DLEC1: variants seen among roughly 807,000 people sequenced by gnomAD.
DLEC1 encodes deleted in lung and esophageal cancer protein 1.
A neutral mutation model predicts 198.1 loss-of-function variants in DLEC1; 146 were observed. The ratio of observed to expected loss-of-function variants is 0.74; its 90% confidence interval spans 0.64 to 0.85. DLEC1 has a LOEUF of 0.85. Ranked by LOEUF, DLEC1 falls within the 40% of genes least tolerant of loss-of-function variation. The probability of loss-of-function intolerance (pLI) is 0.00; values close to 1 mark genes in which losing one functional copy is unlikely to be tolerated. For synonymous variants in DLEC1, 897 were observed against 866.8 expected, an observed-to-expected ratio of 1.03 and a Z score of -0.61; for missense variants, 2,233 against 2,220.0, an observed-to-expected ratio of 1.01 and a Z score of -0.12.
chr3:38,116,473 AC>A lies in DLEC1; in HGVS notation c.3879del (p.Tyr1294MetfsTer137). 1 of 1,613,762 alleles carries A rather than the reference AC, an allele frequency of 6.2e-7. No individual in the cohort carries two copies. The highest frequency in any genetic ancestry group is 1.1e-5 in the South Asian group (1 of 91,062). Reference sequence around the variant, plus strand: ...CCCAGACATCCGCCTGGATTGGGAGACCTATGTTCCAGAAGACAAGGAAGAC... The same window carrying A: ...CCCAGACATCCGCCTGGATTGGGAGACTATGTTCCAGAAGACAAGGAAGAC... ...SPCDIRLDWE[T>X]YVPEDKEDRL... On this transcript the variant is annotated frameshift_variant, in exon 28 of 37. Transcript: ENST00000308059. LOFTEE classifies it high-confidence loss of function.
At chr3:38,088,924 A>G in intron 10 of DLEC1, among the ~76,000 whole-genome samples, 1 of 151,788 alleles carries the variant, frequency 6.6e-6, no homozygotes, top group Non-Finnish European at 1.5e-5. Flanking sequence ...TGCCCCCTTC[A>G]GCTGATCACA....
chr3:38,066,727 T>C (rs1697048769), intron 6 of DLEC1, among the ~76,000 whole-genome samples: 1 of 152,220 alleles, frequency 6.6e-6, no homozygotes, highest in African/African-American at 2.4e-5. Context: ...CATTTTATAG[T>C]TTAAAGAGCA....
At chr3:38,046,457 C>T (rs912241903) in intron 2 of DLEC1, among the ~76,000 whole-genome samples, 3 of 152,224 alleles carry the variant, frequency 2.0e-5, no homozygotes, top group African/African-American at 7.2e-5. Flanking sequence ...CCTGCACACA[C>T]TCTCTTGCCT....
intron 2 of DLEC1, among the ~76,000 whole-genome samples, chr3:38,050,425 C>T (rs1200317879): frequency 6.6e-6 from 1 of 152,140 alleles, no homozygotes; most frequent in Non-Finnish European, 1.5e-5. Context: ...ATTGATTTGG[C>T]TCATGATTCT....
At position 38,121,796 on chromosome 3, in the gene DLEC1, G is replaced by A. The variant is rs759356122; in HGVS notation, c.5020+15G>A. On this transcript the variant is annotated intron_variant, in intron 35 of 36. Coordinates refer to ENST00000308059, the MANE Select transcript of DLEC1 (RefSeq NM_007335.4). ...TATGCTGATGGGTATGTCCTACCCT[G>A]CCACCTACCCACCGTTCCCCTACAG... 9 of 1,612,608 alleles carry A rather than the reference G, an allele frequency of 5.6e-6. No homozygotes were observed. Among genetic ancestry groups the A allele is most frequent in the Non-Finnish European group, 7.6e-6 (9 of 1,179,044 alleles).
chr3:38,105,589 C>T (rs766018099), intron 19 of DLEC1, among the ~76,000 whole-genome samples: 6 of 152,042 alleles, frequency 3.9e-5, no homozygotes, highest in African/African-American at 7.2e-5. Context: ...TCTCCTGGAG[C>T]TCTCTTTTGG....
intron 34 of DLEC1, 32 bp from the exon 35 acceptor site, chr3:38,121,596 C>T (rs906139781): frequency 6.2e-7 from 1 of 1,603,712 alleles, no homozygotes; most frequent in Non-Finnish European, 8.5e-7. Flanking sequence ...AGAGCCCACC[C>T]AGAATGGACA....
At chr3:38,107,811 TC>T in intron 20 of DLEC1, 74 bp downstream of exon 20, 3 of 1,498,222 alleles carry the variant, frequency 2.0e-6, no homozygotes, top group Non-Finnish European at 2.7e-6. Context: ...GGGGGCATTG[TC>T]CCCCAAATAT....
In DLEC1 at chr3:38,116,862, CCTGTA is replaced by C; in HGVS notation, c.4158_4162del (p.Cys1387GlnfsTer27). ...CACATGAGGGGGTGCCCTCCGGCCA[CCTGTA>C]CTGTATCAGCCCCAAGCAGGTGGTG... is the stretch of plus-strand genomic sequence containing the variant. On this transcript the variant is annotated frameshift_variant, in exon 29 of 37. Transcript: ENST00000308059. LOFTEE classifies it high-confidence loss of function. The C allele has an allele frequency of 6.2e-7, 1 of 1,613,708 alleles. No individual in the cohort carries two copies. Among genetic ancestry groups the C allele is most frequent in the Non-Finnish European group, 8.5e-7 (1 of 1,179,850 alleles).
chr3:38,098,324 G>A lies in DLEC1; in HGVS notation c.2724+422G>A, dbSNP rs1032688057. On this transcript the variant is annotated intron_variant, in intron 18 of 36. Coordinates refer to ENST00000308059, the MANE Select transcript of DLEC1 (RefSeq NM_007335.4). ...GCTACCAGATGGCATCTGGTCACAG[G>A]CTGGCAGCCCAAACCCAAGGCTCCA... Among the ~76,000 whole-genome samples the A allele has an allele frequency of 2.0e-5, 3 of 152,262 alleles. No homozygotes were observed. The South Asian group carries it at 6.2e-4, about 32-fold the overall frequency.
Position 38,110,087 on chromosome 3 carries a change from C to T in DLEC1, c.3261-12C>T. The T allele has an allele frequency of 6.2e-7, 1 of 1,613,340 alleles. No homozygotes were observed. Among genetic ancestry groups the T allele is most frequent in the Non-Finnish European group, 8.5e-7 (1 of 1,179,974 alleles). ...TTACATAGTACCAATGGGCACAGGA[C>T]AGTGTTTTCAGCACAGAGCAGTGGC... On this transcript the variant is annotated splice_polypyrimidine_tract_variant and intron_variant, in intron 22 of 36. Transcript: ENST00000308059.
At chr3:38,086,471 A>T (rs1698462829) in intron 9 of DLEC1, 94 bp downstream of exon 9, 1 of 1,474,798 alleles carries the variant, frequency 6.8e-7, no homozygotes, top group South Asian at 1.4e-5. Context: ...TATGATTGGA[A>T]ACACACAGAA....
intron 14 of DLEC1, 128 bp from the exon 15 acceptor site, chr3:38,096,441 G>C (rs1379404758): frequency 9.1e-7 from 1 of 1,103,236 alleles, no homozygotes; most frequent in Non-Finnish European, 1.3e-6. Flanking sequence ...TTGATTTAGG[G>C]GGCTCAGGAG....
At chr3:38,076,068 A>T (rs1371006094) in intron 6 of DLEC1, among the ~76,000 whole-genome samples, 5 of 152,182 alleles carry the variant, frequency 3.3e-5, no homozygotes, top group Admixed American at 3.3e-4. Flanking sequence ...TTTTGGGTCC[A>T]CGGATAAAAC....
chr3:38,051,811 A>G (rs773451548), intron 2 of DLEC1: 2 of 154,938 alleles, frequency 1.3e-5, no homozygotes, highest in African/African-American at 4.8e-5. Context: ...CTCTCTACAA[A>G]TGATAAAACT....
chr3:38,111,880 A>T, intron 24 of DLEC1, 133 bp downstream of exon 24: 1 of 1,002,760 alleles, frequency 1.0e-6, no homozygotes, highest in East Asian at 2.6e-5. Flanking sequence ...AAGGCGCTCC[A>T]CCTGACAATG....
chr3:38,114,417 A>G lies in DLEC1; in HGVS notation c.3742A>G (p.Thr1248Ala), dbSNP rs1575230720. The change falls in exon 26 of 37, where the codon ACC becomes GCC. Residue 1248 changes from threonine to alanine, a missense_variant. Thr to Ala is a moderately conservative substitution (Grantham distance 58). Coordinates refer to ENST00000308059, the MANE Select transcript of DLEC1 (RefSeq NM_007335.4). ...CTGCCCCATCAGCTCCCTGAGGACCACCTCCTACACTATTGACCAGGCCCA... is the reference window on the plus strand; with the variant it reads ...CTGCCCCATCAGCTCCCTGAGGACCGCCTCCTACACTATTGACCAGGCCCA... ...VGCPISSLRT[T>A]SYTIDQAQKE... 5.0e-6 allele frequency: 8 copies of G among 1,614,022 alleles called. No individual in the cohort carries two copies. Among genetic ancestry groups the G allele is most frequent in the Non-Finnish European group, 5.9e-6 (7 of 1,179,992 alleles).
chr3:38,096,657 T>G lies in DLEC1; in HGVS notation c.2260T>G (p.Phe754Val), dbSNP rs757957616. The G allele has an allele frequency of 6.2e-7, 1 of 1,613,304 alleles. No homozygotes were observed. The highest frequency in any genetic ancestry group is 1.1e-5 in the South Asian group (1 of 91,036). The change falls in exon 15 of 37, where the codon TTC becomes GTC. Residue 754 changes from phenylalanine (F) to valine (V), a missense_variant. By Grantham distance (50) the Phe-to-Val change is conservative (BLOSUM62 -1). Coordinates refer to ENST00000308059, the MANE Select transcript of DLEC1 (RefSeq NM_007335.4). ...CGAGGTGAAAGGCTCAGTAGAACCT[T>G]TCCAGGTTCTCTTAGAGCCATATGC... ...EIEVKGSVEP[F>V]QVLLEPYALI...
At chr3:38,062,535 A>T in intron 4 of DLEC1, 46 bp from the exon 5 acceptor site, 2 of 1,608,268 alleles carry the variant, frequency 1.2e-6, no homozygotes. Flanking sequence ...CAACAAGCAC[A>T]ATCCCTTTGC....
Sources: allele counts gnomAD v4.1 joint callset (sites outside exome capture counted in the v4.1 genomes callset), GRCh38; gene constraint gnomAD v4.1.1; transcripts MANE v1.5; gene names NCBI Gene and HGNC (gene_info 2026-07-23, HGNC 2026-07-21).